The following COL21A1 variants were observed in gnomAD, a reference collection of about 807,000 sequenced individuals.
COL21A1 encodes the protein collagen alpha-1(XXI) chain.
In COL21A1, 149 loss-of-function variants were observed where a neutral mutation model predicts 137.9. That is an observed-to-expected ratio of 1.08 (90% CI 0.95 to 1.24). The LOEUF is 1.24. COL21A1 is among the 50% of genes most tolerant of loss of function. COL21A1 has a pLI of 0.00. For synonymous variants in COL21A1, 456 were observed against 391.5 expected (o/e 1.16, Z -1.95); for missense variants, 1,167 against 1,158.4 (o/e 1.01, Z -0.11).
intron 1 of COL21A1, among the ~76,000 whole-genome samples, chr6:56,233,634 T>C (rs1193839568): frequency 6.6e-6 from 1 of 151,206 alleles, no homozygotes; most frequent in African/African-American, 2.4e-5. Context: ...AAAAGAGACA[T>C]ATGGAGAAAT....
At position 56,193,375 on chromosome 6, in the gene COL21A1, G is replaced by A. The variant is rs182580786; in HGVS notation, c.-38-10719C>T. Among the ~76,000 whole-genome samples the A allele has an allele frequency of 1.8e-3, 281 of 152,142 alleles. 2 individuals carry two copies. The highest frequency in any genetic ancestry group is 6.4e-3 in the African/African-American group (265 of 41,528). On this transcript the variant is annotated intron_variant, in intron 1 of 29. Transcript: ENST00000244728. ...ATCAGCAATCAAAAAATCATGAACT[G>A]TTATAGGAAACAACATGAATAAATT... is the stretch of plus-strand genomic sequence containing the variant.
At chr6:56,365,344 G>C (rs1437404919) in intron 1 of COL21A1, among the ~76,000 whole-genome samples, 1 of 152,030 alleles carries the variant, frequency 6.6e-6, no homozygotes, top group African/African-American at 2.4e-5. Context: ...TCCCCTAATG[G>C]CTAGACAAGG....
chr6:56,303,697 T>A (rs1764359851), intron 1 of COL21A1, among the ~76,000 whole-genome samples: 1 of 152,228 alleles, frequency 6.6e-6, no homozygotes. Flanking sequence ...TTTGACTTCC[T>A]CTTTTCCTAA....
At chr6:56,111,599 C>T (rs1032842580) in intron 16 of COL21A1, among the ~76,000 whole-genome samples, 2 of 151,798 alleles carry the variant, frequency 1.3e-5, no homozygotes, top group East Asian at 1.9e-4. Context: ...CATGGTGGCT[C>T]ATGCCTGTAA....
chr6:56,191,555 G>T (rs2152290615), intron 1 of COL21A1, among the ~76,000 whole-genome samples: 1 of 141,774 alleles, frequency 7.1e-6, no homozygotes, highest in South Asian at 2.2e-4. Flanking sequence ...TCACACCACT[G>T]CACTCCAGCC....
chr6:56,057,771 G>T lies in COL21A1; in HGVS notation c.2760C>A (p.Asp920Glu). The part of the protein sequence containing the change: ...GDPGLPGKDG[D>E]HGKPGIQGQP... ...GCCCTTGGATTCCAGGTTTTCCATG[G>T]TCTCCATCTTTGCCAGGGAGACCTG... The change falls in exon 30 of 30, where the codon GAC becomes GAA. Residue 920 changes from aspartate to glutamate, a missense_variant. Physicochemically the swap from Asp to Glu is conservative, Grantham distance 45. Coordinates refer to ENST00000244728, the MANE Select transcript of COL21A1 (RefSeq NM_030820.4). 6.2e-7 allele frequency: 1 copy of T among 1,609,480 alleles called. No homozygotes were observed.
chr6:56,084,511 C>G (rs12194916), intron 17 of COL21A1, among the ~76,000 whole-genome samples: 23,009 of 151,738 alleles, frequency 0.15, 1,774 homozygotes, highest in Middle Eastern at 0.22. Context: ...ATTTACAACA[C>G]AACTTCTATA....
chr6:56,347,546 G>T (rs1388438449), intron 1 of COL21A1, among the ~76,000 whole-genome samples: 1 of 145,108 alleles, frequency 6.9e-6, no homozygotes, highest in Admixed American at 6.9e-5. Flanking sequence ...AAGCAAAGCA[G>T]TATTACCTGA....
At chr6:56,058,738 G>A (rs529610510) in intron 29 of COL21A1, among the ~76,000 whole-genome samples, 1 of 152,154 alleles carries the variant, frequency 6.6e-6, no homozygotes, top group Admixed American at 6.5e-5. Context: ...TCCCAATAAC[G>A]TCATGATGGA....
chr6:56,295,493 T>C (rs1159624086), intron 1 of COL21A1, among the ~76,000 whole-genome samples: 1 of 152,060 alleles, frequency 6.6e-6, no homozygotes, highest in Non-Finnish European at 1.5e-5. Context: ...CTTGTTGAGA[T>C]TTTATTAGGA....
At chr6:56,172,531 G>A (rs1027533026) in intron 3 of COL21A1, among the ~76,000 whole-genome samples, 1 of 152,012 alleles carries the variant, frequency 6.6e-6, no homozygotes, top group African/African-American at 2.4e-5. Flanking sequence ...AATTCTCAAG[G>A]AGTCCTTCAA....
chr6:56,342,186 G>A (rs191117213), intron 1 of COL21A1, among the ~76,000 whole-genome samples: 24 of 152,270 alleles, frequency 1.6e-4, no homozygotes, highest in Middle Eastern at 6.8e-3. Context: ...GAATAACGTG[G>A]TTTCTGCTGT....
chr6:56,302,208 T>G (rs1295394374), intron 1 of COL21A1, among the ~76,000 whole-genome samples: 2 of 151,844 alleles, frequency 1.3e-5, no homozygotes, highest in African/African-American at 4.8e-5. Flanking sequence ...TGTGTCTTTA[T>G]AGCAGCACGA....
chr6:56,237,223 A>G (rs1781963131), intron 1 of COL21A1, among the ~76,000 whole-genome samples: 2 of 152,234 alleles, frequency 1.3e-5, no homozygotes, highest in South Asian at 2.1e-4. Flanking sequence ...CCAGGGCTAC[A>G]TGTCTTCATT....
chr6:56,255,334 G>GGTGTGTGTGTGT (rs71783697), intron 1 of COL21A1, among the ~76,000 whole-genome samples: 27 of 145,594 alleles, frequency 1.9e-4, no homozygotes, highest in African/African-American at 5.6e-4. Context: ...TTGTTAAGAG[G>GGTGTGTGTGTGT]GTGTGTGTGT....
At chr6:56,258,742 T>A (rs1202077196) in intron 1 of COL21A1, among the ~76,000 whole-genome samples, 5 of 152,210 alleles carry the variant, frequency 3.3e-5, no homozygotes, top group African/African-American at 1.2e-4. Context: ...TATTTTTATA[T>A]TTATTTTAAA....
intron 1 of COL21A1, among the ~76,000 whole-genome samples, chr6:56,237,785 C>A (rs1782007761): frequency 6.6e-6 from 1 of 152,050 alleles, no homozygotes; most frequent in Admixed American, 6.6e-5. Flanking sequence ...TCTACAGAGG[C>A]AACTGGACAT....
chr6:56,345,824 G>C lies in COL21A1; in HGVS notation c.-39+48147C>G, dbSNP rs73745615. On this transcript the variant is annotated intron_variant, in intron 1 of 28. Coordinates refer to the COL21A1 transcript ENST00000370819. Reference sequence around the variant, plus strand: ...AATGAAGTTGTCAGAGGAGGCCCAGGGGCCTTCTGGTAAAACACATTTTCC... The same window carrying C: ...AATGAAGTTGTCAGAGGAGGCCCAGCGGCCTTCTGGTAAAACACATTTTCC... Among the ~76,000 whole-genome samples the C allele has an allele frequency of 3.2e-3, 486 of 152,308 alleles. 5 individuals are homozygous for C. The highest frequency in any genetic ancestry group is 0.011 in the African/African-American group (446 of 41,574).
At chr6:56,095,394 G>T (rs1023941877) in intron 17 of COL21A1, among the ~76,000 whole-genome samples, 1 of 151,892 alleles carries the variant, frequency 6.6e-6, no homozygotes. Flanking sequence ...TTTCAAATCC[G>T]TCCCACTCTC....
Sources: allele counts gnomAD v4.1 joint callset (sites outside exome capture counted in the v4.1 genomes callset), GRCh38; gene constraint gnomAD v4.1.1; transcripts MANE v1.5; gene names NCBI Gene and HGNC (gene_info 2026-07-23, HGNC 2026-07-21).